Variants in MORF4L1 observed in about 807,000 individuals in gnomAD.
MORF4L1 encodes the protein mortality factor 4-like protein 1.
MORF4L1 carries 4 observed loss-of-function variants against 52.9 expected under a neutral mutation model. That is an observed-to-expected ratio of 0.08 (90% CI 0.04 to 0.17). MORF4L1 has a LOEUF of 0.17. Among genes scored for constraint, MORF4L1 ranks in the 10% least tolerant of loss-of-function variants. The probability of loss-of-function intolerance (pLI) is 1.00; values close to 1 mark genes in which losing one functional copy is unlikely to be tolerated. For missense variants in MORF4L1, 214 were observed against 390.4 expected, an observed-to-expected ratio of 0.55 and a Z score of 3.81; for synonymous variants, 123 against 134.8, an observed-to-expected ratio of 0.91 and a Z score of 0.61.
At chr15:78,873,551 G>C (rs1016963303) in intron 1 of MORF4L1, among the ~76,000 whole-genome samples, 24 of 152,156 alleles carry the variant, frequency 1.6e-4, no homozygotes, top group African/African-American at 5.1e-4. Flanking sequence ...TGCGGATGGG[G>C]GTGGGTTTGG....
chr15:78,893,204 A>ATG (rs1235865201), intron 8 of MORF4L1, among the ~76,000 whole-genome samples: 4 of 152,334 alleles, frequency 2.6e-5, no homozygotes, highest in Non-Finnish European at 5.9e-5. Flanking sequence ...CGTGTCTGTT[A>ATG]TGTGTGTGTG....
intron 3 of MORF4L1, chr15:78,885,099 G>C (rs748543529): frequency 3.8e-6 from 6 of 1,562,930 alleles, no homozygotes; most frequent in Non-Finnish European, 5.3e-6. Context: ...TGCATGTTTT[G>C]AAATTTTCTC....
intron 1 of MORF4L1, chr15:78,873,963 T>G (rs1485964623): frequency 1.3e-5 from 2 of 152,240 alleles, no homozygotes; most frequent in Non-Finnish European, 2.9e-5. Context: ...ATGCAGTAAT[T>G]GTTTGATTAG....
chr15:78,873,131 T>G, intron 1 of MORF4L1, 74 bp downstream of exon 1: 1 of 1,537,254 alleles, frequency 6.5e-7, no homozygotes, highest in Non-Finnish European at 8.8e-7. Context: ...GATTGAGGCT[T>G]GAGGGCCGGG....
rs778841874 is a variant in MORF4L1, at chr15:78,880,550, C to T, written c.126C>T (p.Tyr42=). ...CCATAAAGGACAAACAAGTGAAATA[C>T]TTCATACATTACAGTGGTTGGAATA... ...KVAIKDKQVK[Y]FIHYSGWNKN... Residue 42 remains tyrosine (Y), a synonymous_variant, in exon 3 of 12, where the codon TAC becomes TAT. Coordinates refer to ENST00000426013, the MANE Select transcript of MORF4L1 (RefSeq NM_006791.4). 6.9e-6 allele frequency: 11 copies of T among 1,600,498 alleles called. No homozygotes were observed. The East Asian group carries it at 2.2e-4, about 33-fold the overall frequency.
At chr15:78,887,204 G>C in intron 4 of MORF4L1, 65 bp from the exon 5 acceptor site, 1 of 1,377,226 alleles carries the variant, frequency 7.3e-7, no homozygotes, top group Non-Finnish European at 1.0e-6. Context: ...ATGGAATCAG[G>C]CTGACAATTT....
At chr15:78,873,083 G>A in intron 1 of MORF4L1, 26 bp downstream of exon 1, 6 of 1,550,672 alleles carry the variant, frequency 3.9e-6, no homozygotes, top group South Asian at 1.2e-5. Context: ...TGGGAAAAAG[G>A]CACCTAACGG....
chr15:78,892,518 G>A (rs1454608609), intron 8 of MORF4L1: 3 of 434,292 alleles, frequency 6.9e-6, no homozygotes, highest in Non-Finnish European at 8.3e-6. Flanking sequence ...AATTTTATGA[G>A]GTTATAATGA....
At chr15:78,893,385 T>C (rs1232999295) in intron 8 of MORF4L1, among the ~76,000 whole-genome samples, 154 bp from the exon 9 acceptor site, 1 of 152,248 alleles carries the variant, frequency 6.6e-6, no homozygotes, top group Non-Finnish European at 1.5e-5. Flanking sequence ...CTGTAGTTTC[T>C]CAGCCACATT....
intron 2 of MORF4L1, among the ~76,000 whole-genome samples, chr15:78,878,738 C>G (rs2056542539): frequency 6.6e-6 from 1 of 152,106 alleles, no homozygotes; most frequent in Non-Finnish European, 1.5e-5. Context: ...AGGGTGTGCT[C>G]AAGTTATAAA....
chr15:78,887,422 T>C, intron 5 of MORF4L1, 73 bp downstream of exon 5: 1 of 1,293,128 alleles, frequency 7.7e-7, no homozygotes, highest in South Asian at 1.5e-5. Flanking sequence ...TGTGTTAGAC[T>C]GTGTTGAAGT....
Position 78,873,003 on chromosome 15 carries a change from G to C in MORF4L1, c.-15G>C, listed in dbSNP as rs1485024097. 1 of 1,550,656 alleles carries C rather than the reference G, an allele frequency of 6.4e-7. No homozygotes were observed. Among genetic ancestry groups the C allele is most frequent in the South Asian group, 1.2e-5 (1 of 84,032 alleles). The stretch of plus-strand genomic sequence containing the variant: ...GGGGTGGTGGGAGAAGGAGGAGGCG[G>C]CGAATCACTTATAAATGGCGCCGAA... On this transcript the variant is annotated 5_prime_UTR_variant, in exon 1 of 12. Coordinates refer to ENST00000426013, the MANE Select transcript of MORF4L1 (RefSeq NM_006791.4).
chr15:78,892,051 C>T (rs544957147), intron 7 of MORF4L1, among the ~76,000 whole-genome samples, 161 bp from the exon 8 acceptor site: 15 of 152,212 alleles, frequency 9.9e-5, no homozygotes, highest in African/African-American at 3.6e-4. Context: ...CAGCGAACCG[C>T]GTATGGTCGT....
intron 1 of MORF4L1, chr15:78,877,720 G>C (rs1318719732): frequency 6.6e-6 from 1 of 152,316 alleles, no homozygotes; most frequent in Non-Finnish European, 1.5e-5. Context: ...TTTGAAGAAT[G>C]AACATAGTGA....
intron 5 of MORF4L1, among the ~76,000 whole-genome samples, chr15:78,890,473 C>A (rs1309447574): frequency 1.3e-5 from 2 of 150,246 alleles, no homozygotes; most frequent in African/African-American, 2.4e-5. Context: ...CTAAAGTGTT[C>A]TTGGTTTGCT....
chr15:78,896,921 G>A lies in MORF4L1; in HGVS notation c.888-62G>A, dbSNP rs145718094. ...TGTGGCTTATGTATATAATATATAGGAAGAGATTTGGATCAAGATAATGAC... is the reference window on the plus strand; with the variant it reads ...TGTGGCTTATGTATATAATATATAGAAAGAGATTTGGATCAAGATAATGAC... On this transcript the variant is annotated intron_variant, in intron 11 of 11. Transcript: ENST00000426013. The A allele has an allele frequency of 4.6e-4, 570 of 1,247,030 alleles. 3 individuals carry two copies. The African/African-American group carries it at 7.4e-3, about 16-fold the overall frequency. The allele number at this position is 1,247,030 out of a possible 1,614,324, so 77.2% of individuals were successfully genotyped here.
intron 1 of MORF4L1, among the ~76,000 whole-genome samples, chr15:78,874,640 C>G (rs1294098669): frequency 1.5e-5 from 2 of 129,426 alleles, no homozygotes; most frequent in African/African-American, 6.0e-5. Context: ...GTTGCCCAGG[C>G]TGGTCTCGAA....
At chr15:78,885,113 G>C in intron 3 of MORF4L1, 1 of 1,512,310 alleles carries the variant, frequency 6.6e-7, no homozygotes, top group Non-Finnish European at 9.1e-7. Context: ...TTTTCTCTAG[G>C]AAATCATGTT....
chr15:78,878,156 T>G, intron 1 of MORF4L1, 57 bp from the exon 2 acceptor site: 1 of 1,535,698 alleles, frequency 6.5e-7, no homozygotes, highest in South Asian at 1.2e-5. Flanking sequence ...CTCTAAGATG[T>G]TAATCTTTTT....
Sources: gnomAD v4.1 joint callset for allele counts (sites outside exome capture counted in the v4.1 genomes callset) on GRCh38, gnomAD v4.1.1 for gene constraint, MANE v1.5 for transcripts, NCBI Gene and HGNC (gene_info 2026-07-23, HGNC 2026-07-21) for gene names.